The following PAWR variants were observed in gnomAD, a reference collection of about 807,000 sequenced individuals.
PAWR encodes the protein pro-apoptotic WT1 regulator, also known as PRKC apoptosis WT1 regulator protein.
In PAWR, 23 loss-of-function variants were observed where a neutral mutation model predicts 32.0. The observed-to-expected ratio is 0.72, with a 90% CI of 0.52 to 1.02. The LOEUF is 1.02. Ranked by LOEUF, PAWR falls within the 50% of genes least tolerant of loss-of-function variation. The pLI, the probability that PAWR is intolerant of heterozygous loss-of-function variation, is 0.00. For synonymous variants in PAWR, 226 were observed against 187.1 expected, an observed-to-expected ratio of 1.21 and a Z score of -1.70; for missense variants, 457 against 437.7, an observed-to-expected ratio of 1.04 and a Z score of -0.39.
intron 2 of PAWR, among the ~76,000 whole-genome samples, chr12:79,639,133 G>A (rs56728251): frequency 0.013 from 1,909 of 150,088 alleles, 50 homozygotes; most frequent in African/African-American, 0.043. Flanking sequence ...GGCTGGTCTC[G>A]AACACCTGAC....
intron 6 of PAWR, among the ~76,000 whole-genome samples, chr12:79,593,924 G>T (rs960700846): frequency 2.0e-5 from 3 of 151,514 alleles, no homozygotes; most frequent in African/African-American, 7.3e-5. Flanking sequence ...GGCTGGTCTC[G>T]AACTCCTGAC....
intron 4 of PAWR, among the ~76,000 whole-genome samples, chr12:79,598,893 T>C (rs1873860396): frequency 6.6e-6 from 1 of 152,080 alleles, no homozygotes; most frequent in African/African-American, 2.4e-5. Flanking sequence ...CCTGCCACCA[T>C]GCCCGGCTAA....
intron 2 of PAWR, among the ~76,000 whole-genome samples, chr12:79,643,037 T>A (rs1876404414): frequency 6.6e-6 from 1 of 152,212 alleles, no homozygotes; most frequent in South Asian, 2.1e-4. Context: ...TATATTCTTA[T>A]ATACCAATCA....
At chr12:79,630,735 A>C (rs1420767054) in intron 2 of PAWR, among the ~76,000 whole-genome samples, 1 of 152,176 alleles carries the variant, frequency 6.6e-6, no homozygotes, top group Non-Finnish European at 1.5e-5. Context: ...AGAAAATATC[A>C]AACCAAGATG....
At chr12:79,636,502 A>T (rs1875967933) in intron 2 of PAWR, among the ~76,000 whole-genome samples, 1 of 152,124 alleles carries the variant, frequency 6.6e-6, no homozygotes, top group Non-Finnish European at 1.5e-5. Context: ...ACAATGTTAA[A>T]AATTTCAACA....
At chr12:79,630,937 C>CA (rs1360997569) in intron 2 of PAWR, among the ~76,000 whole-genome samples, 1 of 151,120 alleles carries the variant, frequency 6.6e-6, no homozygotes, top group East Asian at 1.9e-4. Context: ...AAGGCCTTTG[C>CA]AAAATTTTAG....
chr12:79,634,384 G>A (rs1326343080), intron 2 of PAWR, among the ~76,000 whole-genome samples: 3 of 152,086 alleles, frequency 2.0e-5, no homozygotes, highest in Admixed American at 1.3e-4. Context: ...CCTAGATTCA[G>A]ATCCCAGTCT....
At chr12:79,608,023 T>C (rs1424786388) in intron 4 of PAWR, among the ~76,000 whole-genome samples, 1 of 147,414 alleles carries the variant, frequency 6.8e-6, no homozygotes, top group Non-Finnish European at 1.5e-5. Flanking sequence ...CACTCCAGCC[T>C]GGGCGACAAG....
intron 2 of PAWR, among the ~76,000 whole-genome samples, chr12:79,665,807 A>G (rs866043211): frequency 6.6e-6 from 1 of 152,216 alleles, no homozygotes; most frequent in South Asian, 2.1e-4. Context: ...CTGGAAGCAA[A>G]TTAGTTGAGT....
intron 5 of PAWR, among the ~76,000 whole-genome samples, chr12:79,595,567 C>T (rs768393977): frequency 6.6e-6 from 1 of 152,198 alleles, no homozygotes; most frequent in African/African-American, 2.4e-5. Flanking sequence ...AAATAATAGG[C>T]TGGGCACAGT....
intron 2 of PAWR, chr12:79,631,961 C>G (rs1403764847): frequency 6.6e-6 from 1 of 151,386 alleles, no homozygotes; most frequent in African/African-American, 2.4e-5. Context: ...GATGAAACCC[C>G]GTCTCTACTA....
At position 79,587,094 on chromosome 12, in the gene PAWR, GA is replaced by G. The variant is rs1282912627; in HGVS notation, c.*5512del. 1 of 152,052 alleles carries G rather than the reference GA, an allele frequency of 6.6e-6. No homozygotes were observed. The highest frequency in any genetic ancestry group is 2.4e-5 in the African/African-American group (1 of 41,420). The allele number at this position is 152,052 out of a possible 1,614,324, so 9.4% of individuals were successfully genotyped here. ...ATAAACACAAAGTGAATCTAGAAGG[GA>G]AAAAATTGAGTTTGATGAAGTCTAA... On this transcript the variant is annotated 3_prime_UTR_variant, in exon 7 of 7. Coordinates refer to ENST00000328827, the MANE Select transcript of PAWR (RefSeq NM_002583.4).
At chr12:79,648,610 C>T (rs1265310800) in intron 2 of PAWR, among the ~76,000 whole-genome samples, 1 of 137,682 alleles carries the variant, frequency 7.3e-6, no homozygotes, top group Non-Finnish European at 1.5e-5. Context: ...TAATGAGACC[C>T]TGTCTCTAAA....
intron 4 of PAWR, 93 bp from the exon 5 acceptor site, chr12:79,596,751 C>T: frequency 1.3e-6 from 1 of 748,256 alleles, no homozygotes; most frequent in South Asian, 2.2e-5. Flanking sequence ...AATTAACATT[C>T]CCCAAGGACA....
chr12:79,652,990 ATAAAT>A (rs1338970826), intron 2 of PAWR, among the ~76,000 whole-genome samples: 5 of 152,122 alleles, frequency 3.3e-5, no homozygotes, highest in Non-Finnish European at 5.9e-5. Context: ...AGTTAAAAAA[ATAAAT>A]TAATATTCCA....
chr12:79,661,454 A>G (rs554263204), intron 2 of PAWR, among the ~76,000 whole-genome samples: 1 of 152,264 alleles, frequency 6.6e-6, no homozygotes, highest in Non-Finnish European at 1.5e-5. Context: ...ATATCTCCAG[A>G]AGGATACTTA....
chr12:79,669,333 C>T (rs910688397), intron 2 of PAWR, among the ~76,000 whole-genome samples: 3 of 152,116 alleles, frequency 2.0e-5, no homozygotes, highest in African/African-American at 7.2e-5. Flanking sequence ...AGGGAATAAG[C>T]CATATTACAG....
At chr12:79,633,968 G>A (rs1875839102) in intron 2 of PAWR, among the ~76,000 whole-genome samples, 1 of 151,924 alleles carries the variant, frequency 6.6e-6, no homozygotes, top group Admixed American at 6.6e-5. Flanking sequence ...GCAGTGTGCT[G>A]GTATAGATAA....
intron 2 of PAWR, among the ~76,000 whole-genome samples, chr12:79,642,227 A>C (rs1282693989): frequency 1.3e-5 from 2 of 152,238 alleles, no homozygotes; most frequent in Non-Finnish European, 2.9e-5. Context: ...ATTTCTTGAA[A>C]GCTATTATAC....
Sources: gnomAD v4.1 joint callset for allele counts (sites outside exome capture counted in the v4.1 genomes callset) on GRCh38, gnomAD v4.1.1 for gene constraint, MANE v1.5 for transcripts, NCBI Gene and HGNC (gene_info 2026-07-23, HGNC 2026-07-21) for gene names.